ADAM12: variants seen among roughly 807,000 people sequenced by gnomAD.
ADAM12 encodes the protein disintegrin and metalloproteinase domain-containing protein 12.
Under a neutral mutation model 106.4 loss-of-function variants are expected in ADAM12, and 70 were observed. That is an observed-to-expected ratio of 0.66 (90% CI 0.54 to 0.80). The LOEUF (loss-of-function observed/expected upper bound fraction) is 0.80, where lower values mean the gene tolerates loss of function less well. Among genes scored for constraint, ADAM12 ranks in the 30% least tolerant of loss-of-function variants. The probability of loss-of-function intolerance (pLI) is 0.00; values close to 1 mark genes in which losing one functional copy is unlikely to be tolerated. For synonymous variants in ADAM12, 420 were observed against 433.5 expected (o/e 0.97, Z 0.39); for missense variants, 1,010 against 1,171.9 (o/e 0.86, Z 2.02).
At chr10:126,117,011 C>T (rs1016135613) in intron 6 of ADAM12, among the ~76,000 whole-genome samples, 2 of 152,082 alleles carry the variant, frequency 1.3e-5, no homozygotes, top group African/African-American at 2.4e-5. Context: ...GAAATGTTCT[C>T]GGACAGTCAA....
chr10:126,114,882 AAGG>A (rs1955951754), intron 6 of ADAM12, among the ~76,000 whole-genome samples: 1 of 152,204 alleles, frequency 6.6e-6, no homozygotes, highest in African/African-American at 2.4e-5. Context: ...TGTCATATTT[AAGG>A]AGTTTTCAAA....
At chr10:126,025,056 A>G (rs910621358) in intron 21 of ADAM12, among the ~76,000 whole-genome samples, 3 of 152,170 alleles carry the variant, frequency 2.0e-5, no homozygotes, top group African/African-American at 7.2e-5. Context: ...CAGCAACCTT[A>G]AAGATCAAAG....
chr10:126,300,104 C>T (rs563851365), intron 2 of ADAM12, among the ~76,000 whole-genome samples: 177 of 152,256 alleles, frequency 1.2e-3, no homozygotes, highest in Non-Finnish European at 2.0e-3. Context: ...TCTTAAGATG[C>T]GAGCATGCAA....
At chr10:126,150,514 A>G (rs1314508468) in intron 4 of ADAM12, among the ~76,000 whole-genome samples, 1 of 152,096 alleles carries the variant, frequency 6.6e-6, no homozygotes, top group Non-Finnish European at 1.5e-5. Context: ...CTGAGAAACA[A>G]ATTGCCCATC....
Position 126,049,369 on chromosome 10 carries a change from T to C in ADAM12, c.1801A>G (p.Asn601Asp), listed in dbSNP as rs1180301402. 2 of 1,614,102 alleles carry C rather than the reference T, an allele frequency of 1.2e-6. No individual in the cohort carries two copies. Among genetic ancestry groups the C allele is most frequent in the Non-Finnish European group, 1.7e-6 (2 of 1,180,040 alleles). Reference protein sequence around the residue: ...IGTNAVSIETNIPLQQGGRIL... With the variant: ...IGTNAVSIETDIPLQQGGRIL... Reference sequence around the variant, plus strand: ...CGGCCTCCTTGCTGCAGGGGGATGTTTGTTTCTATGGAAACGGCATTGGTA... The same window carrying C: ...CGGCCTCCTTGCTGCAGGGGGATGTCTGTTTCTATGGAAACGGCATTGGTA... Residue 601 changes from asparagine (N) to aspartate (D), a missense_variant, in exon 16 of 23, where the codon AAC (asparagine) becomes GAC (aspartate). Coordinates refer to ENST00000448723, the MANE Select transcript of ADAM12 (RefSeq NM_001288973.2). The surrounding 1 kb of genome is among the most constrained non-coding windows in gnomAD (Gnocchi z 4.4).
At chr10:126,318,564 TCACACACTCACATACACC>T (rs939772668) in intron 2 of ADAM12, among the ~76,000 whole-genome samples, 2 of 151,176 alleles carry the variant, frequency 1.3e-5, no homozygotes, top group African/African-American at 4.9e-5. Context: ...ACATTCACAC[TCACACACTCACATACACC>T]CACACACTCT....
chr10:126,052,862 T>A (rs1954539617), intron 14 of ADAM12, among the ~76,000 whole-genome samples: 1 of 152,204 alleles, frequency 6.6e-6, no homozygotes, highest in South Asian at 2.1e-4. Context: ...AAACACTGGA[T>A]CTCTACTTGG....
chr10:126,069,300 A>G (rs1175314804), intron 12 of ADAM12, among the ~76,000 whole-genome samples: 1 of 152,226 alleles, frequency 6.6e-6, no homozygotes, highest in Non-Finnish European at 1.5e-5. Context: ...AAAAAAAGCA[A>G]ATCTAAAAAG....
chr10:126,302,312 G>A (rs1249829242), intron 2 of ADAM12, among the ~76,000 whole-genome samples: 4 of 152,194 alleles, frequency 2.6e-5, no homozygotes, highest in Non-Finnish European at 5.9e-5. Flanking sequence ...TCACTAACTT[G>A]TTCCTGTTGT....
At chr10:126,296,077 C>T (rs1052371672) in intron 2 of ADAM12, among the ~76,000 whole-genome samples, 5 of 152,154 alleles carry the variant, frequency 3.3e-5, no homozygotes, top group African/African-American at 4.8e-5. Context: ...TGTCCATCCC[C>T]GTGCGTGGGG....
chr10:126,383,880 A>C (rs1856569436), intron 1 of ADAM12, among the ~76,000 whole-genome samples: 1 of 152,346 alleles, frequency 6.6e-6, no homozygotes, highest in Non-Finnish European at 1.5e-5. Context: ...CAATGTACAT[A>C]GTTAAAAATA....
At chr10:126,348,049 C>A (rs976640693) in intron 1 of ADAM12, among the ~76,000 whole-genome samples, 3 of 152,154 alleles carry the variant, frequency 2.0e-5, no homozygotes, top group African/African-American at 7.2e-5. Context: ...GGTGCTTAAC[C>A]CCTGGGGCAA....
At chr10:126,328,213 G>A (rs1007512600) in intron 2 of ADAM12, among the ~76,000 whole-genome samples, 19 of 152,232 alleles carry the variant, frequency 1.2e-4, no homozygotes, top group African/African-American at 3.6e-4. Context: ...TCTGCCTTCT[G>A]CATTGGCTGT....
At chr10:126,358,918 G>T (rs563372743) in intron 1 of ADAM12, among the ~76,000 whole-genome samples, 1 of 152,240 alleles carries the variant, frequency 6.6e-6, no homozygotes, top group African/African-American at 2.4e-5. Flanking sequence ...TGCTGATAAA[G>T]ACACCCAAGA....
chr10:126,126,735 G>A (rs1002683972), intron 5 of ADAM12, among the ~76,000 whole-genome samples: 8 of 152,008 alleles, frequency 5.3e-5, no homozygotes, highest in Non-Finnish European at 1.0e-4. Flanking sequence ...TAAGAGGGGG[G>A]TTGAACAAGG....
chr10:126,200,971 G>A (rs1218743575), intron 3 of ADAM12, among the ~76,000 whole-genome samples: 2 of 152,172 alleles, frequency 1.3e-5, no homozygotes, highest in East Asian at 3.9e-4. Context: ...ACCAGTCTGG[G>A]CAGGGCATAA....
chr10:126,189,228 A>G (rs1957452977), intron 3 of ADAM12, among the ~76,000 whole-genome samples: 1 of 152,214 alleles, frequency 6.6e-6, no homozygotes. Context: ...TAGAAAACCG[A>G]GCAAGGTGTT....
At chr10:126,095,533 CAAAAA>C (rs11396229) in intron 10 of ADAM12, among the ~76,000 whole-genome samples, 4 of 46,576 alleles carry the variant, frequency 8.6e-5, no homozygotes, top group Non-Finnish European at 1.4e-4. Flanking sequence ...GACTCTGTCT[CAAAAA>C]AAAAAAAAAA....
In ADAM12 at chr10:126,066,485, G is replaced by A. The variant is rs1050015305; in HGVS notation, c.1413+232C>T. On this transcript the variant is annotated intron_variant, in intron 13 of 22. Transcript: ENST00000448723. The surrounding 1 kb of genome is among the most constrained non-coding windows in gnomAD (Gnocchi z 5.1). ...GGTTTATCGGTCTGATCAGTTGTCAGCCCCTAAATAAATAAACACAAGTGA... is the reference window on the plus strand; with the variant it reads ...GGTTTATCGGTCTGATCAGTTGTCAACCCCTAAATAAATAAACACAAGTGA... 1.3e-5 allele frequency among the ~76,000 whole-genome samples: 2 copies of A among 152,168 alleles called. No individual in the cohort carries two copies. The highest frequency in any genetic ancestry group is 2.9e-5 in the Non-Finnish European group (2 of 68,024).
Sources: allele counts gnomAD v4.1 joint callset (sites outside exome capture counted in the v4.1 genomes callset), GRCh38; gene constraint gnomAD v4.1.1; non-coding constraint Gnocchi (gnomAD v3.1); transcripts MANE v1.5; gene names NCBI Gene and HGNC (gene_info 2026-07-23, HGNC 2026-07-21).